CTNNA3: variants seen among roughly 807,000 people sequenced by gnomAD.
CTNNA3 encodes the protein catenin alpha-3.
A neutral mutation model predicts 95.7 loss-of-function variants in CTNNA3; 76 were observed. The ratio of observed to expected loss-of-function variants is 0.79; its 90% CI spans 0.66 to 0.96. CTNNA3 has a LOEUF of 0.96. Ranked by LOEUF, CTNNA3 falls within the 40% of genes least tolerant of loss-of-function variation. CTNNA3 has a pLI of 0.00. For synonymous variants in CTNNA3, 431 were observed against 374.4 expected, an observed-to-expected ratio of 1.15 and a Z score of -1.74; for missense variants, 1,191 against 1,089.8, an observed-to-expected ratio of 1.09 and a Z score of -1.31.
chr10:67,351,896 A>C (rs60154208), intron 5 of CTNNA3, among the ~76,000 whole-genome samples: 5,662 of 152,112 alleles, frequency 0.037, 156 homozygotes, highest in South Asian at 0.1. Flanking sequence ...GTTAGAGAAA[A>C]TAATTTAATA....
intron 1 of CTNNA3, among the ~76,000 whole-genome samples, chr10:67,722,679 G>A (rs3125309): frequency 0.55 from 83,392 of 151,966 alleles, 26,039 homozygotes; most frequent in African/African-American, 0.85. Flanking sequence ...AAAGAAATTT[G>A]AAAGCAGTAA....
At chr10:67,623,012 G>A (rs989957767) in intron 2 of CTNNA3, among the ~76,000 whole-genome samples, 3 of 152,196 alleles carry the variant, frequency 2.0e-5, no homozygotes, top group Admixed American at 6.5e-5. Flanking sequence ...TGCTTACAAC[G>A]TGCCCTACAA....
intron 1 of CTNNA3, among the ~76,000 whole-genome samples, chr10:67,656,234 A>C (rs1291268301): frequency 6.6e-6 from 1 of 152,208 alleles, no homozygotes; most frequent in Non-Finnish European, 1.5e-5. Flanking sequence ...CAATAAAATC[A>C]AGAAACTGCC....
chr10:66,862,427 A>G (rs1047430550), intron 7 of CTNNA3, among the ~76,000 whole-genome samples: 3 of 152,214 alleles, frequency 2.0e-5, no homozygotes, highest in Non-Finnish European at 4.4e-5. Flanking sequence ...AATAAAAATA[A>G]CATACATTAA....
At chr10:66,772,991 T>C (rs1222996764) in intron 8 of CTNNA3, among the ~76,000 whole-genome samples, 1 of 152,196 alleles carries the variant, frequency 6.6e-6, no homozygotes, top group Non-Finnish European at 1.5e-5. Context: ...AAGAACTATA[T>C]GTGAGATGCT....
At chr10:66,781,081 T>C (rs1263406560) in intron 7 of CTNNA3, among the ~76,000 whole-genome samples, 1 of 150,394 alleles carries the variant, frequency 6.6e-6, no homozygotes, top group Non-Finnish European at 1.5e-5. Context: ...ACCCTATAAA[T>C]TATGAAGCCT....
chr10:67,187,254 T>C (rs1041731885), intron 6 of CTNNA3, among the ~76,000 whole-genome samples: 22 of 152,150 alleles, frequency 1.4e-4, no homozygotes, highest in Non-Finnish European at 2.8e-4. Context: ...AACCATTTTG[T>C]GGGGTATTAT....
At chr10:66,147,933 T>C (rs2083985953) in intron 13 of CTNNA3, among the ~76,000 whole-genome samples, 1 of 151,500 alleles carries the variant, frequency 6.6e-6, no homozygotes, top group East Asian at 1.9e-4. Flanking sequence ...AGTTTATTAA[T>C]TTATCAAAAT....
intron 15 of CTNNA3, among the ~76,000 whole-genome samples, chr10:66,043,043 G>T (rs1248328108): frequency 1.3e-5 from 2 of 149,380 alleles, no homozygotes; most frequent in African/African-American, 4.9e-5. Context: ...ATTACATTGA[G>T]GCCAGAGAAG....
intron 10 of CTNNA3, among the ~76,000 whole-genome samples, chr10:66,551,574 G>C (rs1818270602): frequency 6.6e-6 from 1 of 151,918 alleles, no homozygotes; most frequent in Non-Finnish European, 1.5e-5. Flanking sequence ...TTCTTGTATT[G>C]TTACATTAGT....
intron 9 of CTNNA3, among the ~76,000 whole-genome samples, chr10:66,751,008 G>A (rs1350750960): frequency 1.3e-5 from 2 of 152,112 alleles, no homozygotes; most frequent in African/African-American, 2.4e-5. Flanking sequence ...GGTGGCTCAT[G>A]TCTATAATCC....
At chr10:67,554,871 G>C (rs932398505) in intron 3 of CTNNA3, among the ~76,000 whole-genome samples, 3 of 152,090 alleles carry the variant, frequency 2.0e-5, no homozygotes, top group Admixed American at 6.6e-5. Context: ...TTTCTTCTAG[G>C]GTTTTTATCG....
In CTNNA3 at chr10:66,546,744, A is replaced by G. The variant is rs536279129; in HGVS notation, c.1375-25971T>C. On this transcript the variant is annotated intron_variant, in intron 10 of 17. Transcript: ENST00000433211. ...GGGAAGCCACCCTCATGATACAATTACCTCTACCTGGTCCCACTCTTGACA... is the reference window on the plus strand; with the variant it reads ...GGGAAGCCACCCTCATGATACAATTGCCTCTACCTGGTCCCACTCTTGACA... 2.0e-5 allele frequency among the ~76,000 whole-genome samples: 3 copies of G among 152,036 alleles called. No homozygotes were observed. In the East Asian group the frequency reaches 5.8e-4, roughly 29 times the overall value.
At chr10:67,697,037 C>A (rs1643920075), upstream of CTNNA3, among the ~76,000 whole-genome samples, 1 of 152,174 alleles carries the variant, frequency 6.6e-6, no homozygotes, top group Admixed American at 6.5e-5. Context: ...TTTATTGGCT[C>A]TCCAGATACT....
chr10:66,013,487 CT>C (rs1458926411), intron 15 of CTNNA3, among the ~76,000 whole-genome samples: 1 of 152,130 alleles, frequency 6.6e-6, no homozygotes, highest in Non-Finnish European at 1.5e-5. Flanking sequence ...GCAGGAGCCC[CT>C]AGTAATAACA....
intron 1 of CTNNA3, among the ~76,000 whole-genome samples, chr10:67,681,062 T>A (rs1427715084): frequency 6.6e-6 from 1 of 152,210 alleles, no homozygotes; most frequent in Admixed American, 6.5e-5. Flanking sequence ...CTGAGGGTTG[T>A]AAAAGAAGAA....
chr10:67,591,901 C>A (rs1156517796), intron 3 of CTNNA3, among the ~76,000 whole-genome samples: 1 of 135,804 alleles, frequency 7.4e-6, no homozygotes, highest in Non-Finnish European at 1.5e-5. Context: ...TTACTGACAG[C>A]AACAGGAGAC....
chr10:67,417,314 T>C (rs1413012518), intron 5 of CTNNA3, among the ~76,000 whole-genome samples: 1 of 152,106 alleles, frequency 6.6e-6, no homozygotes, highest in African/African-American at 2.4e-5. Flanking sequence ...AGGCAGGGGA[T>C]ATTGGGTTAA....
chr10:67,749,174 G>T (rs1250923726), intron 1 of CTNNA3, among the ~76,000 whole-genome samples: 1 of 152,042 alleles, frequency 6.6e-6, no homozygotes, highest in African/African-American at 2.4e-5. Flanking sequence ...AGTTCCTAGA[G>T]ACCTACAAAG....
Sources: gnomAD v4.1 joint callset for allele counts (sites outside exome capture counted in the v4.1 genomes callset) on GRCh38, gnomAD v4.1.1 for gene constraint, MANE v1.5 for transcripts, NCBI Gene and HGNC (gene_info 2026-07-23, HGNC 2026-07-21) for gene names.